ITGAD: variants seen among roughly 807,000 people sequenced by gnomAD.
The protein encoded by ITGAD is integrin subunit alpha D.
A neutral mutation model predicts 139.0 loss-of-function variants in ITGAD; 105 were observed. That is an observed-to-expected ratio of 0.76 (90% CI 0.65 to 0.89). The LOEUF (loss-of-function observed/expected upper bound fraction) is 0.89. Among genes scored for constraint, ITGAD ranks in the 40% least tolerant of loss-of-function variants. The probability of loss-of-function intolerance (pLI) is 0.00; values close to 1 mark genes in which losing one functional copy is unlikely to be tolerated. For synonymous variants in ITGAD, 569 were observed against 598.3 expected (o/e 0.95, Z 0.71); for missense variants, 1,384 against 1,487.3 (o/e 0.93, Z 1.14).
chr16:31,412,109 G>T (rs1468472841), intron 14 of ITGAD, among the ~76,000 whole-genome samples: 3 of 148,284 alleles, frequency 2.0e-5, no homozygotes, highest in Non-Finnish European at 4.5e-5. Context: ...TCACTCTGTC[G>T]CCCAGGCTGG....
At chr16:31,412,361 C>T (rs1445756415) in intron 14 of ITGAD, among the ~76,000 whole-genome samples, 1 of 152,100 alleles carries the variant, frequency 6.6e-6, no homozygotes, top group East Asian at 1.9e-4. Flanking sequence ...CTTTCAATTT[C>T]TATCTCCACA....
At position 31,411,417 on chromosome 16, in the gene ITGAD, T is replaced by C. The variant is rs2142756817; in HGVS notation, c.1607T>C (p.Ile536Thr). 1.2e-6 allele frequency: 2 copies of C among 1,613,946 alleles called. No homozygotes were observed. Among genetic ancestry groups the C allele is most frequent in the East Asian group, 2.2e-5 (1 of 44,866 alleles). ...GGGGATGTGAATGAGGACAAGCTGA[T>C]AGACGTGGCCATTGGGGCCCCGGGA... ...VLGDVNEDKL[I>T]DVAIGAPGEQ... The change falls in exon 14 of 30, where the codon ATA (isoleucine) becomes ACA (threonine). Residue 536 changes from isoleucine to threonine, a missense_variant. By Grantham distance (89) the Ile-to-Thr change is moderately conservative. Coordinates refer to ENST00000389202, the MANE Select transcript of ITGAD (RefSeq NM_005353.3).
At chr16:31,402,779 A>T (rs1167409643) in intron 6 of ITGAD, 2 of 152,118 alleles carry the variant, frequency 1.3e-5, no homozygotes, top group Non-Finnish European at 2.9e-5. Flanking sequence ...ATTTTTAAAA[A>T]TTTTTATTGT....
chr16:31,403,489 G>A lies in ITGAD; in HGVS notation c.559-11G>A. Reference sequence around the variant, plus strand: ...CACTGAGCCCTGGGCCCTCCCCACTGGCCTTTGCAGTTTGCACTGATGCAG... The same window carrying A: ...CACTGAGCCCTGGGCCCTCCCCACTAGCCTTTGCAGTTTGCACTGATGCAG... On this transcript the variant is annotated splice_polypyrimidine_tract_variant and intron_variant, in intron 6 of 29. Transcript: ENST00000389202. The surrounding 1 kb of genome is among the most constrained non-coding windows in gnomAD (Gnocchi z 4.4). 2 of 1,613,874 alleles carry A rather than the reference G, an allele frequency of 1.2e-6. No homozygotes were observed. The highest frequency in any genetic ancestry group is 1.1e-5 in the South Asian group (1 of 91,062).
chr16:31,397,800 T>C lies in ITGAD; in HGVS notation c.318T>C (p.Cys106=), dbSNP rs12926943. The C allele has an allele frequency of 6.2e-7, 1 of 1,613,078 alleles. No individual in the cohort carries two copies. Among genetic ancestry groups the C allele is most frequent in the East Asian group, 2.2e-5 (1 of 44,866 alleles). The change falls in exon 5 of 30, where the codon TGT becomes TGC. Residue 106 remains cysteine, a synonymous_variant. Coordinates refer to ENST00000389202, the MANE Select transcript of ITGAD (RefSeq NM_005353.3). The stretch of plus-strand genomic sequence containing the variant: ...TCACAGGCTTCTGCCTCCAGGCCTG[T>C]GGCCCGACCCTGCACAGAGTCTGTG... ...ASTNGSRLLA[C]GPTLHRVCGE...
At chr16:31,395,202 C>A (rs995810297) in intron 2 of ITGAD, among the ~76,000 whole-genome samples, 1 of 152,158 alleles carries the variant, frequency 6.6e-6, no homozygotes, top group African/African-American at 2.4e-5. Context: ...CATCTGTAAT[C>A]CCAGCTACTT....
intron 5 of ITGAD, among the ~76,000 whole-genome samples, chr16:31,398,159 G>A (rs1421285531): frequency 2.6e-5 from 4 of 152,270 alleles, no homozygotes; most frequent in African/African-American, 7.2e-5. Context: ...GCTCAGGCCT[G>A]TAATTCCAGC....
At position 31,411,086 on chromosome 16, in the gene ITGAD, A is replaced by C; in HGVS notation, c.1367A>C (p.Tyr456Ser). Residue 456 changes from tyrosine (Y) to serine (S), a missense_variant, in exon 13 of 30, where the codon TAC becomes TCC. Transcript: ENST00000389202. ...GGCTCTGCCCTCCAGATCGGCTCCT[A>C]CTTCGGGGCCTCCCTCTGCTCTGTG... Reference protein sequence around the residue: ...AEVTGTQIGSYFGASLCSVDV... With the variant: ...AEVTGTQIGSSFGASLCSVDV... The C allele has an allele frequency of 1.2e-6, 2 of 1,612,274 alleles. No homozygotes were observed. Among genetic ancestry groups the C allele is most frequent in the South Asian group, 1.1e-5 (1 of 91,002 alleles).
chr16:31,402,975 G>A (rs1197177284), intron 6 of ITGAD: 1 of 152,386 alleles, frequency 6.6e-6, no homozygotes. Context: ...AAAAGCTAAG[G>A]GTAGCAAATA....
chr16:31,413,051 A>G (rs368350099), intron 15 of ITGAD, 38 bp from the exon 16 acceptor site: 2 of 1,610,146 alleles, frequency 1.2e-6, no homozygotes, highest in Non-Finnish European at 1.7e-6. Flanking sequence ...TCCTCCCAGA[A>G]GCCAGTGTTC....
chr16:31,405,521 C>T (rs1364075069), intron 7 of ITGAD, among the ~76,000 whole-genome samples: 2 of 152,144 alleles, frequency 1.3e-5, no homozygotes, highest in Non-Finnish European at 2.9e-5. Flanking sequence ...TAGCACAATG[C>T]CACTTCCATA....
At chr16:31,422,510 C>T (rs967893374) in intron 23 of ITGAD, among the ~76,000 whole-genome samples, 1 of 152,164 alleles carries the variant, frequency 6.6e-6, no homozygotes, top group Admixed American at 6.5e-5. Flanking sequence ...TCCATGTCTT[C>T]CTGAGTGATC....
intron 2 of ITGAD, among the ~76,000 whole-genome samples, chr16:31,394,619 C>A (rs1228890367): frequency 6.6e-6 from 1 of 152,192 alleles, no homozygotes; most frequent in East Asian, 1.9e-4. Context: ...TCACACAGGG[C>A]CCACACTCAT....
chr16:31,412,888 G>A lies in ITGAD; in HGVS notation c.1758G>A (p.Ala586=), dbSNP rs773510109. 1.8e-5 allele frequency: 29 copies of A among 1,613,984 alleles called. No individual in the cohort carries two copies. Among genetic ancestry groups the A allele is most frequent in the Middle Eastern group, 1.6e-4 (1 of 6,078 alleles). The change falls in exon 15 of 30, where the codon GCG becomes GCA. Residue 586 remains alanine, a synonymous_variant. Transcript: ENST00000389202. Reference sequence around the variant, plus strand: ...CCAGGCTGCAGTATTTTGGGCAGGCGCTGAGTGGGGGTCAGGACCTCACCC... The same window carrying A: ...CCAGGCTGCAGTATTTTGGGCAGGCACTGAGTGGGGGTCAGGACCTCACCC... The part of the protein sequence containing the change: ...LSPRLQYFGQ[A]LSGGQDLTQD...
intron 10 of ITGAD, among the ~76,000 whole-genome samples, chr16:31,409,823 G>A (rs1258280056): frequency 1.3e-5 from 2 of 148,912 alleles, no homozygotes; most frequent in East Asian, 2.0e-4. Context: ...GAGATGGGGG[G>A]ATTGCATGAG....
chr16:31,418,616 G>A, intron 23 of ITGAD, 52 bp downstream of exon 23: 1 of 1,364,674 alleles, frequency 7.3e-7, no homozygotes. Flanking sequence ...TCTATGCCTG[G>A]TACTCCTTCT....
chr16:31,411,167 A>G lies in ITGAD; in HGVS notation c.1448A>G (p.Tyr483Cys), dbSNP rs1323260649. ...DLILIGAPHY[Y>C]EQTRGGQVSV... The stretch of plus-strand genomic sequence containing the variant: ...ATCCTCATTGGGGCCCCCCATTACT[A>G]TGAGCAGACCCGAGGGGGCCAGGTG... Residue 483 changes from tyrosine (Y) to cysteine (C), a missense_variant, in exon 13 of 30, where the codon TAT (tyrosine) becomes TGT (cysteine). Coordinates refer to ENST00000389202, the MANE Select transcript of ITGAD (RefSeq NM_005353.3). 5 of 1,613,926 alleles carry G rather than the reference A, an allele frequency of 3.1e-6. No homozygotes were observed. Among genetic ancestry groups the G allele is most frequent in the Non-Finnish European group, 4.2e-6 (5 of 1,179,914 alleles).
intron 23 of ITGAD, 106 bp from the exon 24 acceptor site, chr16:31,423,008 A>G (rs2082036621): frequency 1.1e-6 from 1 of 887,850 alleles, no homozygotes; most frequent in African/African-American, 1.6e-5. Flanking sequence ...GTCCATCGTT[A>G]TTTCCCTGAG....
At chr16:31,422,808 G>A (rs1398630822) in intron 23 of ITGAD, among the ~76,000 whole-genome samples, 1 of 152,104 alleles carries the variant, frequency 6.6e-6, no homozygotes, top group Admixed American at 6.6e-5. Flanking sequence ...GACATCGGAG[G>A]GAGGGGAGCT....
Sources: gnomAD v4.1 joint callset for allele counts (sites outside exome capture counted in the v4.1 genomes callset) on GRCh38, gnomAD v4.1.1 for gene constraint, Gnocchi (gnomAD v3.1) non-coding constraint, MANE v1.5 for transcripts, NCBI Gene and HGNC (gene_info 2026-07-23, HGNC 2026-07-21) for gene names.